Variants in ELAVL2 observed in about 807,000 individuals in gnomAD.
ELAVL2 encodes ELAV-like protein 2.
Under a neutral mutation model 34.6 loss-of-function variants are expected in ELAVL2, and 4 were observed. The observed-to-expected ratio is 0.12, with a 90% CI of 0.06 to 0.26. ELAVL2 has a LOEUF of 0.26. Ranked by LOEUF, ELAVL2 falls within the 10% of genes least tolerant of loss-of-function variation. The pLI is 1.00. For synonymous variants in ELAVL2, 193 were observed against 154.8 expected, an observed-to-expected ratio of 1.25 and a Z score of -1.83; for missense variants, 432 against 442.8, an observed-to-expected ratio of 0.98 and a Z score of 0.22.
chr9:23,706,471 T>TCC (rs557667565), intron 3 of ELAVL2, among the ~76,000 whole-genome samples: 64 of 152,324 alleles, frequency 4.2e-4, no homozygotes, highest in African/African-American at 1.4e-3. Context: ...CATCCAGATC[T>TCC]CCTGCCCCAA....
At position 23,727,791 on chromosome 9, in the gene ELAVL2, T is replaced by C. The variant is rs74563731; in HGVS notation, c.333+3231A>G. Among the ~76,000 whole-genome samples the C allele has an allele frequency of 1.8e-3, 272 of 152,140 alleles. 1 individual carries two copies. Among genetic ancestry groups the C allele is most frequent in the African/African-American group, 6.4e-3 (264 of 41,542 alleles). Reference sequence around the variant, plus strand: ...ACTCACCATGGAAATACTGAACATCTGTCATTTATTCAACACACCAACTAC... The same window carrying C: ...ACTCACCATGGAAATACTGAACATCCGTCATTTATTCAACACACCAACTAC... On this transcript the variant is annotated intron_variant, in intron 3 of 6. Transcript: ENST00000397312.
chr9:23,744,363 C>T (rs1459724911), intron 2 of ELAVL2, among the ~76,000 whole-genome samples: 1 of 152,182 alleles, frequency 6.6e-6, no homozygotes, highest in Non-Finnish European at 1.5e-5. Context: ...AGTTTTTCAG[C>T]TCATTCCAAT....
chr9:23,706,914 A>T (rs1268950914), intron 3 of ELAVL2, among the ~76,000 whole-genome samples: 1 of 151,904 alleles, frequency 6.6e-6, no homozygotes, highest in Non-Finnish European at 1.5e-5. Flanking sequence ...TATCTTTCAC[A>T]CCCCTGCCCC....
chr9:23,826,577 A>G (rs1011708969), upstream of ELAVL2, among the ~76,000 whole-genome samples: 2 of 152,232 alleles, frequency 1.3e-5, no homozygotes, highest in African/African-American at 4.8e-5. Flanking sequence ...GCAAGAAGCA[A>G]AAAGAAATGT....
At chr9:23,699,283 T>TA (rs2036327097) in intron 5 of ELAVL2, among the ~76,000 whole-genome samples, 1 of 152,186 alleles carries the variant, frequency 6.6e-6, no homozygotes, top group South Asian at 2.1e-4. Flanking sequence ...CTGAGTCACC[T>TA]ACAAGCCTTG....
At chr9:23,693,382 C>G in intron 6 of ELAVL2, 66 bp downstream of exon 6, 1 of 1,599,742 alleles carries the variant, frequency 6.3e-7, no homozygotes, top group Non-Finnish European at 8.6e-7. Flanking sequence ...GAATAGCACT[C>G]CCAAAATCAA....
intron 1 of ELAVL2, among the ~76,000 whole-genome samples, chr9:23,794,992 C>G (rs1464214405): frequency 6.6e-6 from 1 of 152,206 alleles, no homozygotes; most frequent in East Asian, 1.9e-4. Flanking sequence ...TTATGCACAC[C>G]TACAAAACAT....
chr9:23,813,723 G>C (rs2063334073), intron 1 of ELAVL2, among the ~76,000 whole-genome samples: 1 of 152,162 alleles, frequency 6.6e-6, no homozygotes, highest in Non-Finnish European at 1.5e-5. Flanking sequence ...TCAACCACGG[G>C]TTAAGGAAGG....
intron 3 of ELAVL2, among the ~76,000 whole-genome samples, chr9:23,712,768 T>G (rs2041318103): frequency 6.6e-6 from 1 of 152,184 alleles, no homozygotes; most frequent in Non-Finnish European, 1.5e-5. Context: ...TCATTAAATA[T>G]TAGTCAAGGC....
At chr9:23,759,745 T>C (rs2054439494) in intron 2 of ELAVL2, among the ~76,000 whole-genome samples, 1 of 98,956 alleles carries the variant, frequency 1.0e-5, no homozygotes, top group Non-Finnish European at 1.8e-5. Context: ...GTATACATCA[T>C]ATATAGTATT....
the ELAVL2 span, among the ~76,000 whole-genome samples, chr9:23,844,781 T>G: frequency 6.6e-6 from 1 of 152,128 alleles, no homozygotes; most frequent in Middle Eastern, 3.4e-3. Context: ...GGTATGTAGC[T>G]TATATTACTC....
chr9:23,791,552 A>G (rs1021092465), intron 1 of ELAVL2, among the ~76,000 whole-genome samples: 2 of 152,208 alleles, frequency 1.3e-5, no homozygotes, highest in East Asian at 3.9e-4. Flanking sequence ...TTCCTTAATT[A>G]TTTCAGGAAA....
At chr9:23,837,762 A>T in the ELAVL2 span, among the ~76,000 whole-genome samples, 1 of 152,338 alleles carries the variant, frequency 6.6e-6, no homozygotes, top group South Asian at 2.1e-4. Flanking sequence ...TCTAGAAAAC[A>T]GATATTACGA....
At chr9:23,838,638 C>A in the ELAVL2 span, among the ~76,000 whole-genome samples, 1 of 151,576 alleles carries the variant, frequency 6.6e-6, no homozygotes, top group African/African-American at 2.4e-5. Context: ...CCTTCCCTTA[C>A]TGACTATCTG....
At chr9:23,768,875 C>A (rs910912591) in intron 1 of ELAVL2, among the ~76,000 whole-genome samples, 1 of 152,094 alleles carries the variant, frequency 6.6e-6, no homozygotes, top group Non-Finnish European at 1.5e-5. Flanking sequence ...ATGATTAAGT[C>A]GTGGATCACC....
At chr9:23,775,075 T>G (rs765376497) in intron 1 of ELAVL2, among the ~76,000 whole-genome samples, 14 of 152,180 alleles carry the variant, frequency 9.2e-5, no homozygotes, top group Non-Finnish European at 2.1e-4. Flanking sequence ...AAAAGGAACT[T>G]TCCGTGGGAT....
chr9:23,777,483 C>A (rs1003530940), intron 1 of ELAVL2, among the ~76,000 whole-genome samples: 1 of 152,100 alleles, frequency 6.6e-6, no homozygotes, highest in African/African-American at 2.4e-5. Flanking sequence ...CCCTTCTGCC[C>A]CACCCAAGCA....
intron 2 of ELAVL2, among the ~76,000 whole-genome samples, chr9:23,759,010 G>C (rs929702213): frequency 3.3e-5 from 5 of 151,974 alleles, no homozygotes; most frequent in African/African-American, 1.2e-4. Flanking sequence ...TGGTATGAAA[G>C]TTCCTCAAAA....
rs190422194 is a variant in ELAVL2 at position 23,690,450 on chromosome 9, T to C, written c.*2107A>G. On this transcript the variant is annotated 3_prime_UTR_variant, in exon 7 of 7. Coordinates refer to ENST00000397312, the MANE Select transcript of ELAVL2 (RefSeq NM_004432.5). ...ACATGTATTTTATTTTTTAGTGTTTTTCTTTTTTTAAACGCAGAAGGTTAA... is the reference window on the plus strand; with the variant it reads ...ACATGTATTTTATTTTTTAGTGTTTCTCTTTTTTTAAACGCAGAAGGTTAA... The C allele has an allele frequency of 6.6e-6, 1 of 152,660 alleles. No homozygotes were observed. Among genetic ancestry groups the C allele is most frequent in the East Asian group, 1.9e-4 (1 of 5,180 alleles). 9.5% of individuals were successfully genotyped at this position (152,660 alleles called of 1,614,324 possible).
Sources: allele counts gnomAD v4.1 joint callset (sites outside exome capture counted in the v4.1 genomes callset), GRCh38; gene constraint gnomAD v4.1.1; transcripts MANE v1.5; gene names NCBI Gene and HGNC (gene_info 2026-07-23, HGNC 2026-07-21).